The following DLG2 variants were observed in gnomAD, a reference collection of about 807,000 sequenced individuals.
The protein encoded by DLG2 is disks large homolog 2.
In DLG2, 45 loss-of-function variants were observed where a neutral mutation model predicts 132.5. The ratio of observed to expected loss-of-function variants is 0.34; its 90% CI spans 0.27 to 0.44. The LOEUF (loss-of-function observed/expected upper bound fraction) is 0.44. Ranked by LOEUF, DLG2 falls within the 20% of genes least tolerant of loss-of-function variation. The pLI, the probability that DLG2 is intolerant of heterozygous loss-of-function variation, is 1.00. For synonymous variants in DLG2, 424 were observed against 419.6 expected, an observed-to-expected ratio of 1.01 and a Z score of -0.13; for missense variants, 1,045 against 1,196.9, an observed-to-expected ratio of 0.87 and a Z score of 1.87.
intron 6 of DLG2, among the ~76,000 whole-genome samples, chr11:84,538,043 A>G (rs2099359678): frequency 6.6e-6 from 1 of 152,204 alleles, no homozygotes; most frequent in East Asian, 1.9e-4. Flanking sequence ...ATATGAACTG[A>G]AAAGAACAAC....
chr11:85,298,960 TA>T (rs2079417257), intron 3 of DLG2, among the ~76,000 whole-genome samples: 1 of 152,158 alleles, frequency 6.6e-6, no homozygotes, highest in African/African-American at 2.4e-5. Flanking sequence ...AAATAAATTT[TA>T]AAAATTATTT....
intron 6 of DLG2, among the ~76,000 whole-genome samples, chr11:85,042,070 A>T (rs1438065222): frequency 1.3e-5 from 2 of 151,904 alleles, no homozygotes; most frequent in African/African-American, 2.4e-5. Context: ...TTTACCCCTA[A>T]ATCTATCAAA....
intron 24 of DLG2, among the ~76,000 whole-genome samples, chr11:83,470,898 T>G (rs1017685624): frequency 6.6e-6 from 1 of 152,106 alleles, no homozygotes; most frequent in Non-Finnish European, 1.5e-5. Context: ...TAAAATTTCC[T>G]GATGGACCTG....
intron 3 of DLG2, among the ~76,000 whole-genome samples, chr11:85,290,856 G>A (rs571101186): frequency 4.8e-4 from 73 of 152,108 alleles, no homozygotes; most frequent in African/African-American, 1.5e-3. Flanking sequence ...GACACAGTTA[G>A]GTCTTCAATT....
At chr11:83,842,633 G>A (rs139606569) in intron 16 of DLG2, among the ~76,000 whole-genome samples, 1 of 151,164 alleles carries the variant, frequency 6.6e-6, no homozygotes, top group Non-Finnish European at 1.5e-5. Context: ...TCGAGACCAC[G>A]GTGAAAACCC....
At chr11:85,035,190 T>C (rs1271940012) in intron 6 of DLG2, among the ~76,000 whole-genome samples, 1 of 152,176 alleles carries the variant, frequency 6.6e-6, no homozygotes, top group African/African-American at 2.4e-5. Flanking sequence ...GCCTGAGTGA[T>C]GTTATTTCTA....
At chr11:83,826,740 G>C (rs968341267) in intron 17 of DLG2, among the ~76,000 whole-genome samples, 3 of 152,152 alleles carry the variant, frequency 2.0e-5, no homozygotes, top group Admixed American at 2.0e-4. Context: ...AAACCTTACT[G>C]ATACTTTTTC....
intron 19 of DLG2, among the ~76,000 whole-genome samples, chr11:83,614,763 G>C (rs998818135): frequency 1.3e-5 from 2 of 152,138 alleles, no homozygotes; most frequent in Non-Finnish European, 2.9e-5. Context: ...TAATTTCAGT[G>C]AACTTAACAA....
chr11:84,275,072 T>A (rs944868352), intron 7 of DLG2, among the ~76,000 whole-genome samples: 1 of 152,220 alleles, frequency 6.6e-6, no homozygotes, highest in Middle Eastern at 3.2e-3. Flanking sequence ...AAAATCCCAG[T>A]CATTCCTCTC....
intron 6 of DLG2, among the ~76,000 whole-genome samples, chr11:85,015,272 T>C (rs1222635194): frequency 1.3e-5 from 2 of 152,322 alleles, no homozygotes; most frequent in East Asian, 3.9e-4. Flanking sequence ...GTTAAGTTTA[T>C]ACTTCTAAAC....
chr11:85,036,706 ATCTT>A (rs1433499197), intron 6 of DLG2, among the ~76,000 whole-genome samples: 1 of 152,172 alleles, frequency 6.6e-6, no homozygotes, highest in Non-Finnish European at 1.5e-5. Flanking sequence ...ACAGCACAAT[ATCTT>A]TCTTTCTTAA....
chr11:84,276,277 A>T (rs769875093), intron 7 of DLG2, among the ~76,000 whole-genome samples: 16 of 152,202 alleles, frequency 1.1e-4, no homozygotes, highest in Non-Finnish European at 1.9e-4. Flanking sequence ...AGGTGGCTCA[A>T]TCATTTAGGT....
intron 7 of DLG2, among the ~76,000 whole-genome samples, chr11:84,475,799 AC>A (rs1433380899): frequency 6.6e-6 from 1 of 152,044 alleles, no homozygotes; most frequent in Non-Finnish European, 1.5e-5. Flanking sequence ...GCCCAAAGAA[AC>A]CCACCTGGGG....
intron 3 of DLG2, among the ~76,000 whole-genome samples, chr11:85,332,180 T>C (rs1226638875): frequency 6.6e-6 from 1 of 152,244 alleles, no homozygotes; most frequent in Non-Finnish European, 1.5e-5. Flanking sequence ...AGATGGTATC[T>C]CATTGTAGTT....
At chr11:84,688,265 TCACCATACAG>T (rs2099739821) in intron 6 of DLG2, among the ~76,000 whole-genome samples, 1 of 152,186 alleles carries the variant, frequency 6.6e-6, no homozygotes, top group Non-Finnish European at 1.5e-5. Flanking sequence ...CTCTTGAACT[TCACCATACAG>T]CAGTGTTAGG....
At chr11:84,306,369 G>T (rs893138037) in intron 7 of DLG2, among the ~76,000 whole-genome samples, 2 of 152,024 alleles carry the variant, frequency 1.3e-5, no homozygotes, top group Non-Finnish European at 2.9e-5. Context: ...TTGCATATTT[G>T]CAGATGAAAT....
At chr11:84,827,780 A>T (rs1358521561) in intron 6 of DLG2, among the ~76,000 whole-genome samples, 1 of 151,510 alleles carries the variant, frequency 6.6e-6, no homozygotes, top group Non-Finnish European at 1.5e-5. Flanking sequence ...GGTCATAAAA[A>T]AAAATTCCAT....
intron 8 of DLG2, among the ~76,000 whole-genome samples, chr11:84,221,667 G>T (rs1438998337): frequency 2.0e-5 from 3 of 151,988 alleles, no homozygotes; most frequent in East Asian, 3.9e-4. Flanking sequence ...CAAGAAGAAT[G>T]TTCAACTTTT....
intron 18 of DLG2, among the ~76,000 whole-genome samples, chr11:83,759,902 A>T (rs1335290614): frequency 6.6e-6 from 1 of 152,200 alleles, no homozygotes; most frequent in African/African-American, 2.4e-5. Context: ...CCCAGATTCC[A>T]AAACTCACAA....
Sources: gnomAD v4.1 joint callset for allele counts (sites outside exome capture counted in the v4.1 genomes callset) on GRCh38, gnomAD v4.1.1 for gene constraint, MANE v1.5 for transcripts, NCBI Gene and HGNC (gene_info 2026-07-23, HGNC 2026-07-21) for gene names.